STK3: variants seen among roughly 807,000 people sequenced by gnomAD.
STK3 encodes serine/threonine kinase 3.
In STK3, 41 loss-of-function variants were observed where a neutral mutation model predicts 58.0. The observed-to-expected ratio is 0.71, with a 90% CI of 0.55 to 0.92. STK3 has a LOEUF of 0.92. STK3 is among the 40% of genes least tolerant of loss of function. The pLI, the probability that STK3 is intolerant of heterozygous loss-of-function variation, is 0.00. For synonymous variants in STK3, 170 were observed against 191.0 expected, an observed-to-expected ratio of 0.89 and a Z score of 0.91; for missense variants, 479 against 602.7, an observed-to-expected ratio of 0.79 and a Z score of 2.15.
chr8:98,918,045 T>C (rs1489418115), intron 1 of STK3, among the ~76,000 whole-genome samples: 1 of 152,228 alleles, frequency 6.6e-6, no homozygotes, highest in Non-Finnish European at 1.5e-5. Flanking sequence ...ATGTATTATC[T>C]CATTCAGTCT....
chr8:98,364,967 C>G, the STK3 span, among the ~76,000 whole-genome samples: 4 of 40,258 alleles, frequency 9.9e-5, no homozygotes, highest in South Asian at 1.0e-3. Flanking sequence ...TTTACTGGAC[C>G]ACAATTTTAC....
At chr8:98,939,173 G>A (rs540731930) in intron 1 of STK3, among the ~76,000 whole-genome samples, 1 of 152,304 alleles carries the variant, frequency 6.6e-6, no homozygotes, top group African/African-American at 2.4e-5. Flanking sequence ...AAGCAGATGC[G>A]TTTATGCGTG....
At chr8:98,539,827 C>G (rs1810087909) in intron 9 of STK3, among the ~76,000 whole-genome samples, 1 of 152,078 alleles carries the variant, frequency 6.6e-6, no homozygotes, top group African/African-American at 2.4e-5. Flanking sequence ...GATCTCAGCT[C>G]ACTGCAGCCT....
At chr8:98,620,714 GA>G (rs1420428210) in intron 6 of STK3, among the ~76,000 whole-genome samples, 1 of 151,316 alleles carries the variant, frequency 6.6e-6, no homozygotes, top group South Asian at 2.1e-4. Context: ...TTTAAAATAT[GA>G]AAAAAGTTAA....
chr8:98,659,113 T>G (rs1821772698), intron 6 of STK3, among the ~76,000 whole-genome samples: 1 of 152,080 alleles, frequency 6.6e-6, no homozygotes, highest in Admixed American at 6.6e-5. Flanking sequence ...ATAAGTTCAC[T>G]CTATGATATT....
At chr8:98,531,638 TCTC>T (rs1563709304) in intron 9 of STK3, among the ~76,000 whole-genome samples, 1 of 152,306 alleles carries the variant, frequency 6.6e-6, no homozygotes, top group Non-Finnish European at 1.5e-5. Flanking sequence ...GGCATTGACT[TCTC>T]CTCTGTAGCT....
intron 6 of STK3, among the ~76,000 whole-genome samples, chr8:98,658,379 TA>T (rs1454363573): frequency 6.6e-6 from 1 of 151,980 alleles, no homozygotes; most frequent in African/African-American, 2.4e-5. Context: ...ATGCTTGCAA[TA>T]ACCCTAGTGG....
chr8:98,864,379 G>A (rs1250629148), intron 3 of STK3, among the ~76,000 whole-genome samples: 1 of 152,046 alleles, frequency 6.6e-6, no homozygotes, highest in African/African-American at 2.4e-5. Context: ...AAACAAGAAC[G>A]ACTAAGTCTC....
chr8:98,429,576 G>A (rs546074874), intron 3 of STK3: 15 of 591,888 alleles, frequency 2.5e-5, no homozygotes, highest in Admixed American at 9.3e-5. Flanking sequence ...TTTTAGAATC[G>A]TTTTTAGAGG....
chr8:98,506,197 C>T (rs768807802), intron 10 of STK3, among the ~76,000 whole-genome samples: 7 of 152,240 alleles, frequency 4.6e-5, no homozygotes, highest in East Asian at 1.9e-4. Flanking sequence ...GCATGAGACC[C>T]GCCAAGCCAG....
At chr8:98,554,605 A>G (rs1274654376) in intron 8 of STK3, among the ~76,000 whole-genome samples, 24 of 152,154 alleles carry the variant, frequency 1.6e-4, no homozygotes, top group Admixed American at 1.6e-3. Context: ...AAAGAATGCT[A>G]ATCTAATTTA....
At chr8:98,618,634 A>C (rs1234163212) in intron 6 of STK3, among the ~76,000 whole-genome samples, 1 of 144,072 alleles carries the variant, frequency 6.9e-6, no homozygotes, top group Non-Finnish European at 1.5e-5. Context: ...TACAAAATCA[A>C]TGTACAAAAA....
chr8:98,392,657 G>C (rs1289962665), upstream of STK3, among the ~76,000 whole-genome samples: 1 of 152,198 alleles, frequency 6.6e-6, no homozygotes, highest in Non-Finnish European at 1.5e-5. Flanking sequence ...GGGATCCCTA[G>C]AGAAACTGGA....
rs1266034784 is a variant in STK3 at position 98,429,297 on chromosome 8, C to T, written n.483+4830G>A. On this transcript the variant is annotated intron_variant and non_coding_transcript_variant, in intron 3 of 3. Transcript: ENST00000517832. Reference sequence around the variant, plus strand: ...CTTTGGAGATGGAATGAAGGAGGTCCCTTCGGTCAATTTAAGGGACTATTA... The same window carrying T: ...CTTTGGAGATGGAATGAAGGAGGTCTCTTCGGTCAATTTAAGGGACTATTA... The T allele has an allele frequency of 3.7e-6, 6 of 1,614,118 alleles. No homozygotes were observed. In the African/African-American group the frequency reaches 5.3e-5, roughly 14 times the overall value.
intron 7 of STK3, among the ~76,000 whole-genome samples, chr8:98,580,657 G>A (rs975264950): frequency 6.6e-6 from 1 of 152,190 alleles, no homozygotes; most frequent in African/African-American, 2.4e-5. Flanking sequence ...CTGTTGCCCA[G>A]ATGCGAGCAC....
At chr8:98,763,759 G>A (rs554805426) in intron 3 of STK3, among the ~76,000 whole-genome samples, 14 of 151,618 alleles carry the variant, frequency 9.2e-5, no homozygotes, top group South Asian at 2.1e-4. Flanking sequence ...TGCACCTTCC[G>A]CCTTCCAGGT....
intron 1 of STK3, among the ~76,000 whole-genome samples, chr8:98,809,112 TGG>T (rs1439189946): frequency 6.6e-6 from 1 of 152,208 alleles, no homozygotes; most frequent in Non-Finnish European, 1.5e-5. Context: ...GCTCCTGCAC[TGG>T]GGACCCTTCC....
chr8:98,774,604 T>TCACC, intron 2 of STK3, 135 bp downstream of exon 2: 1 of 555,272 alleles, frequency 1.8e-6, no homozygotes, highest in Non-Finnish European at 2.9e-6. Flanking sequence ...AAATTCAGTA[T>TCACC]CACCTGCCAA....
intron 10 of STK3, among the ~76,000 whole-genome samples, chr8:98,482,137 C>T (rs1247215075): frequency 6.6e-6 from 1 of 152,128 alleles, no homozygotes; most frequent in Admixed American, 6.5e-5. Context: ...TCCCAAGGAG[C>T]TCTAAAAAGA....
Sources: gnomAD v4.1 joint callset for allele counts (sites outside exome capture counted in the v4.1 genomes callset) on GRCh38, gnomAD v4.1.1 for gene constraint, MANE v1.5 for transcripts, NCBI Gene and HGNC (gene_info 2026-07-23, HGNC 2026-07-21) for gene names.